KLHL28: variants seen among roughly 807,000 people sequenced by gnomAD.
KLHL28 encodes the protein kelch-like protein 28.
KLHL28 carries 22 observed loss-of-function variants against 48.3 expected under a neutral mutation model. The observed-to-expected ratio is 0.46, with a 90% CI of 0.33 to 0.65. The LOEUF (loss-of-function observed/expected upper bound fraction) is 0.65. Ranked by LOEUF, KLHL28 falls within the 30% of genes least tolerant of loss-of-function variation. The pLI, the probability that KLHL28 is intolerant of heterozygous loss-of-function variation, is 0.03. For synonymous variants in KLHL28, 243 were observed against 242.4 expected (o/e 1.00, Z -0.02); for missense variants, 527 against 704.3 (o/e 0.75, Z 2.85).
At chr14:44,935,201 G>C (rs1883757345) in intron 2 of KLHL28, among the ~76,000 whole-genome samples, 1 of 152,144 alleles carries the variant, frequency 6.6e-6, no homozygotes, top group Non-Finnish European at 1.5e-5. Flanking sequence ...ATAATGTTGA[G>C]ATAAAAAAGT....
intron 1 of KLHL28, chr14:44,953,585 AGGCCTTGTGCTGCCTT>A (rs1884677118): frequency 6.6e-6 from 1 of 152,404 alleles, no homozygotes; most frequent in Non-Finnish European, 1.5e-5. Context: ...TCACCATGTG[AGGCCTTGTGCTGCCTT>A]GGGACTCTGC....
intron 1 of KLHL28, among the ~76,000 whole-genome samples, chr14:44,947,620 C>T (rs1884393322): frequency 6.6e-6 from 1 of 152,068 alleles, no homozygotes; most frequent in Admixed American, 6.6e-5. Context: ...ATCTTAAAAC[C>T]ATCAATTCTA....
intron 2 of KLHL28, among the ~76,000 whole-genome samples, chr14:44,941,840 T>C (rs1482609730): frequency 6.6e-6 from 1 of 152,154 alleles, no homozygotes; most frequent in East Asian, 1.9e-4. Flanking sequence ...CCGCTAAAAT[T>C]GTTCCTGCTG....
At chr14:44,954,587 G>A (rs927112504) in intron 1 of KLHL28, among the ~76,000 whole-genome samples, 13 of 152,166 alleles carry the variant, frequency 8.5e-5, no homozygotes, top group African/African-American at 2.6e-4. Flanking sequence ...TGTTTAGTGT[G>A]TCACCATTTA....
intron 1 of KLHL28, among the ~76,000 whole-genome samples, chr14:44,958,525 G>A (rs1221191425): frequency 6.6e-6 from 1 of 152,024 alleles, no homozygotes; most frequent in East Asian, 1.9e-4. Context: ...TTCCTCATAG[G>A]ATAATTCAAC....
At position 44,928,153 on chromosome 14, in the gene KLHL28, A is replaced by T. The variant is rs1255359958; in HGVS notation, c.*875T>A. 1 of 152,578 alleles carries T rather than the reference A, an allele frequency of 6.6e-6. No homozygotes were observed. The highest frequency in any genetic ancestry group is 2.4e-5 in the African/African-American group (1 of 41,454). 9.5% of individuals were successfully genotyped at this position (152,578 alleles called of 1,614,324 possible). The stretch of plus-strand genomic sequence containing the variant: ...AAAAGCAAAGATCTTAAAAAACTAA[A>T]ATTATAAGGATATATAAAAAAATTA... On this transcript the variant is annotated 3_prime_UTR_variant, in exon 5 of 5. Coordinates refer to ENST00000396128, the MANE Select transcript of KLHL28 (RefSeq NM_017658.5).
At chr14:44,949,725 T>C (rs1594581293) in intron 1 of KLHL28, among the ~76,000 whole-genome samples, 1 of 152,266 alleles carries the variant, frequency 6.6e-6, no homozygotes, top group Admixed American at 6.5e-5. Flanking sequence ...AAAAATTCTA[T>C]AGCAGATTCC....
intron 2 of KLHL28, among the ~76,000 whole-genome samples, chr14:44,941,700 G>A (rs969078010): frequency 6.6e-6 from 1 of 150,730 alleles, no homozygotes; most frequent in Non-Finnish European, 1.5e-5. Context: ...ATAATGCCAA[G>A]TTTAAGAGCC....
intron 2 of KLHL28, among the ~76,000 whole-genome samples, chr14:44,944,583 G>GT (rs1884242746): frequency 6.6e-6 from 1 of 152,072 alleles, no homozygotes; most frequent in Non-Finnish European, 1.5e-5. Context: ...CATTTCTTTG[G>GT]TAGCACTTCT....
chr14:44,953,265 A>G (rs1031486558), intron 1 of KLHL28, among the ~76,000 whole-genome samples: 2 of 152,206 alleles, frequency 1.3e-5, no homozygotes, highest in East Asian at 1.9e-4. Flanking sequence ...GTAAAACTAG[A>G]TTTCTGCTAC....
intron 1 of KLHL28, among the ~76,000 whole-genome samples, chr14:44,957,671 G>A (rs1884850796): frequency 6.6e-6 from 1 of 152,044 alleles, no homozygotes; most frequent in Non-Finnish European, 1.5e-5. Context: ...CATCCTCAGA[G>A]CAACAATATA....
At chr14:44,931,215 T>A in intron 4 of KLHL28, 118 bp downstream of exon 4, 1 of 594,780 alleles carries the variant, frequency 1.7e-6, no homozygotes, top group Non-Finnish European at 2.8e-6. Context: ...AAGTCTTTTT[T>A]TTTTTTTTTC....
chr14:44,944,334 G>A (rs770571966), intron 2 of KLHL28, among the ~76,000 whole-genome samples: 61 of 152,238 alleles, frequency 4.0e-4, no homozygotes, highest in African/African-American at 1.3e-3. Flanking sequence ...ATTCACTTAT[G>A]TATTATCTAT....
At chr14:44,938,984 C>T (rs918740292) in intron 2 of KLHL28, among the ~76,000 whole-genome samples, 5 of 152,226 alleles carry the variant, frequency 3.3e-5, no homozygotes, top group Admixed American at 6.5e-5. Flanking sequence ...TGCTTGCCCC[C>T]TGTGCTATCT....
At chr14:44,932,648 A>C (rs1266076401) in intron 3 of KLHL28, among the ~76,000 whole-genome samples, 1 of 152,194 alleles carries the variant, frequency 6.6e-6, no homozygotes, top group African/African-American at 2.4e-5. Context: ...AGACTGGGTA[A>C]TGTTTCTGAA....
At chr14:44,950,634 G>A (rs1884540652) in intron 1 of KLHL28, among the ~76,000 whole-genome samples, 1 of 152,022 alleles carries the variant, frequency 6.6e-6, no homozygotes, top group Non-Finnish European at 1.5e-5. Context: ...CAGGCTTCCC[G>A]GGTTACAATA....
intron 3 of KLHL28, among the ~76,000 whole-genome samples, chr14:44,931,755 A>G (rs969359842): frequency 2.0e-5 from 3 of 152,176 alleles, no homozygotes; most frequent in Non-Finnish European, 2.9e-5. Context: ...CTATTCCATT[A>G]TATTGTGCAA....
intron 3 of KLHL28, among the ~76,000 whole-genome samples, chr14:44,932,213 C>T (rs1883619599): frequency 1.7e-5 from 2 of 120,844 alleles, no homozygotes; most frequent in Non-Finnish European, 3.2e-5. Context: ...TTAGGATCTT[C>T]TATACAGTTA....
intron 2 of KLHL28, among the ~76,000 whole-genome samples, chr14:44,935,006 G>A (rs1883748919): frequency 6.6e-6 from 1 of 152,108 alleles, no homozygotes; most frequent in African/African-American, 2.4e-5. Flanking sequence ...GATGAAAAAG[G>A]CATGCATACA....
Sources: allele counts gnomAD v4.1 joint callset (sites outside exome capture counted in the v4.1 genomes callset), GRCh38; gene constraint gnomAD v4.1.1; transcripts MANE v1.5; gene names NCBI Gene and HGNC (gene_info 2026-07-23, HGNC 2026-07-21).